The following CLIC4 variants were observed in gnomAD, a reference collection of about 807,000 sequenced individuals.
CLIC4 encodes chloride intracellular channel protein 4.
In CLIC4, 13 loss-of-function variants were observed where a neutral mutation model predicts 24.6. The ratio of observed to expected loss-of-function variants is 0.53; its 90% CI spans 0.34 to 0.84. The LOEUF is 0.84. Ranked by LOEUF, CLIC4 falls within the 40% of genes least tolerant of loss-of-function variation. The pLI, the probability that CLIC4 is intolerant of heterozygous loss-of-function variation, is 0.01. For synonymous variants in CLIC4, 104 were observed against 111.3 expected (o/e 0.93, Z 0.41); for missense variants, 227 against 301.7 (o/e 0.75, Z 1.83).
intron 1 of CLIC4, among the ~76,000 whole-genome samples, chr1:24,778,798 T>G (rs1048967550): frequency 6.6e-6 from 1 of 152,250 alleles, no homozygotes; most frequent in East Asian, 1.9e-4. Context: ...GAAAGTCTGG[T>G]CATTGTACAT....
At chr1:24,823,661 C>T (rs1479410645) in intron 3 of CLIC4, among the ~76,000 whole-genome samples, 1 of 150,820 alleles carries the variant, frequency 6.6e-6, no homozygotes, top group East Asian at 1.9e-4. Flanking sequence ...GTAATCCCAG[C>T]GACTTGGGAG....
chr1:24,781,753 G>C (rs1024648663), intron 1 of CLIC4, among the ~76,000 whole-genome samples: 21 of 151,246 alleles, frequency 1.4e-4, no homozygotes, highest in Non-Finnish European at 2.7e-4. Context: ...CCACTTTAAG[G>C]GAATCTCCTG....
chr1:24,798,541 C>T (rs1308525237), intron 2 of CLIC4, among the ~76,000 whole-genome samples: 1 of 152,170 alleles, frequency 6.6e-6, no homozygotes, highest in Non-Finnish European at 1.5e-5. Context: ...GTCTATTCAC[C>T]TTTAGCAAAC....
Position 24,843,447 on chromosome 1 carries a change from C to CTT in CLIC4, c.*2513_*2514dup, listed in dbSNP as rs1557818465. 6.6e-6 allele frequency: 1 copy of CTT among 152,058 alleles called. No homozygotes were observed. Among genetic ancestry groups the CTT allele is most frequent in the Non-Finnish European group, 1.5e-5 (1 of 67,996 alleles). 9.4% of individuals were successfully genotyped at this position (152,058 alleles called of 1,614,324 possible). A position where few individuals can be genotyped will look rare whatever the true frequency, so the allele number is the denominator to read the frequency against. On this transcript the variant is annotated 3_prime_UTR_variant, in exon 6 of 6. Transcript: ENST00000374379. ...CATCCATTCCCCTTCATTTAAACAC[C>CTT]TTTTGTGTTTTACTTCAGTGAGGAG...
At chr1:24,748,510 T>TTTG (rs1553188259) in intron 1 of CLIC4, among the ~76,000 whole-genome samples, 5 of 144,012 alleles carry the variant, frequency 3.5e-5, no homozygotes, top group Non-Finnish European at 7.6e-5. Context: ...TTTTTTTTTT[T>TTTG]TTTTTTTTTT....
intron 1 of CLIC4, among the ~76,000 whole-genome samples, chr1:24,752,981 G>A (rs1370975332): frequency 7.9e-5 from 12 of 152,122 alleles, no homozygotes; most frequent in South Asian, 2.1e-4. Flanking sequence ...TTGGCCTCCC[G>A]AAGTGCTGGG....
At chr1:24,806,862 AC>A (rs1639556282) in intron 2 of CLIC4, among the ~76,000 whole-genome samples, 1 of 152,206 alleles carries the variant, frequency 6.6e-6, no homozygotes, top group Admixed American at 6.5e-5. Flanking sequence ...GGAAATCCAG[AC>A]CCAAAGAGGT....
intron 1 of CLIC4, among the ~76,000 whole-genome samples, chr1:24,759,483 T>G (rs1385723552): frequency 2.6e-5 from 4 of 151,994 alleles, no homozygotes; most frequent in Admixed American, 2.6e-4. Flanking sequence ...TTTTTTTTTT[T>G]GTCTCATGCA....
At chr1:24,746,718 A>G (rs1413970545) in intron 1 of CLIC4, among the ~76,000 whole-genome samples, 1 of 152,148 alleles carries the variant, frequency 6.6e-6, no homozygotes, top group Non-Finnish European at 1.5e-5. Flanking sequence ...TGTTTAAGAG[A>G]TAGAGAAGGG....
chr1:24,836,906 C>T (rs1639891209), intron 4 of CLIC4, among the ~76,000 whole-genome samples: 1 of 152,122 alleles, frequency 6.6e-6, no homozygotes, highest in South Asian at 2.1e-4. Context: ...TAGTATATTT[C>T]TAAATAATCC....
chr1:24,798,781 G>A (rs910168003), intron 2 of CLIC4, among the ~76,000 whole-genome samples: 2 of 150,812 alleles, frequency 1.3e-5, no homozygotes, highest in South Asian at 2.1e-4. Context: ...TCAGCCTGCC[G>A]AGTGCCTGCG....
chr1:24,770,877 A>G (rs1639062754), intron 1 of CLIC4, among the ~76,000 whole-genome samples: 1 of 152,202 alleles, frequency 6.6e-6, no homozygotes, highest in Non-Finnish European at 1.5e-5. Flanking sequence ...CCATTAAAGC[A>G]GATCTCAGTA....
rs181241677 is a variant in CLIC4, at chr1:24,822,255, G to C, written c.309-4755G>C. Among the ~76,000 whole-genome samples the C allele has an allele frequency of 4.7e-3, 707 of 151,826 alleles. 4 individuals carry two copies. The highest frequency in any genetic ancestry group is 7.2e-3 in the Admixed American group (110 of 15,252). On this transcript the variant is annotated intron_variant, in intron 3 of 5. Coordinates refer to ENST00000374379, the MANE Select transcript of CLIC4 (RefSeq NM_013943.3). The stretch of plus-strand genomic sequence containing the variant: ...ATTGAAAGCTAGCTCAAGTTTAGAG[G>C]AAAGGTAGGAGAGAAATCAAAGATA...
chr1:24,826,392 G>C (rs2124166572), intron 3 of CLIC4, among the ~76,000 whole-genome samples: 1 of 152,278 alleles, frequency 6.6e-6, no homozygotes, highest in Admixed American at 6.5e-5. Flanking sequence ...TGCTTGACCA[G>C]CCTAGGCGCT....
Position 24,751,541 on chromosome 1 carries a change from A to T in CLIC4, c.72+5916A>T, listed in dbSNP as rs186383975. Among the ~76,000 whole-genome samples, 261 of 152,262 alleles carry T rather than the reference A, an allele frequency of 1.7e-3. 2 individuals are homozygous for T. Among genetic ancestry groups the T allele is most frequent in the African/African-American group, 5.9e-3 (245 of 41,552 alleles). ...GCGTGAGCCACCGTGCCAGTCTTTT[A>T]TATATTTACTAGTGTTTCTTCTTGG... On this transcript the variant is annotated intron_variant, in intron 1 of 5. Transcript: ENST00000374379.
Position 24,794,391 on chromosome 1 carries a change from G to C in CLIC4, c.73-3351G>C, listed in dbSNP as rs575662958. 2.0e-4 allele frequency among the ~76,000 whole-genome samples: 30 copies of C among 150,516 alleles called. 2 individuals carry two copies. In the Middle Eastern group the frequency reaches 0.01, roughly 51 times the overall value. ...TTACTTTTTGAAAATAGCCATTCTG[G>C]TGTGAAATGGTATCTCACTGTGCTT... is the stretch of plus-strand genomic sequence containing the variant. On this transcript the variant is annotated intron_variant, in intron 1 of 5. Coordinates refer to ENST00000374379, the MANE Select transcript of CLIC4 (RefSeq NM_013943.3).
At chr1:24,799,417 A>G (rs1571249423) in intron 2 of CLIC4, among the ~76,000 whole-genome samples, 1 of 138,148 alleles carries the variant, frequency 7.2e-6, no homozygotes, top group Non-Finnish European at 1.5e-5. Context: ...CCTGGCAACC[A>G]CCCCGTCTGA....
Position 24,840,971 on chromosome 1 carries a change from T to TC in CLIC4, c.*38dup. ...TTGTAAAAGAGATGTCTTCATGTCT[T>TC]CCCCTAAGAATACGCTTTTCCTAAC... On this transcript the variant is annotated 3_prime_UTR_variant, in exon 6 of 6. Coordinates refer to ENST00000374379, the MANE Select transcript of CLIC4 (RefSeq NM_013943.3). 1 of 1,558,956 alleles carries TC rather than the reference T, an allele frequency of 6.4e-7. No individual in the cohort carries two copies. Among genetic ancestry groups the TC allele is most frequent in the Non-Finnish European group, 8.7e-7 (1 of 1,150,846 alleles).
intron 3 of CLIC4, among the ~76,000 whole-genome samples, chr1:24,825,021 C>T (rs986439131): frequency 6.6e-6 from 1 of 151,654 alleles, no homozygotes; most frequent in African/African-American, 2.4e-5. Context: ...CACACACACA[C>T]ACACACACAC....
Sources: allele counts gnomAD v4.1 joint callset (sites outside exome capture counted in the v4.1 genomes callset), GRCh38; gene constraint gnomAD v4.1.1; transcripts MANE v1.5; gene names NCBI Gene and HGNC (gene_info 2026-07-23, HGNC 2026-07-21).